The following CRY2 variants were observed in gnomAD, a reference collection of about 807,000 sequenced individuals.
CRY2 encodes the protein cryptochrome circadian regulator 2.
CRY2 carries 31 observed loss-of-function variants against 69.5 expected under a neutral mutation model. That is an observed-to-expected ratio of 0.45 (90% CI 0.34 to 0.60). CRY2 has a LOEUF of 0.60. Ranked by LOEUF, CRY2 falls within the 20% of genes least tolerant of loss-of-function variation. The pLI is 0.02. For missense variants in CRY2, 606 were observed against 797.8 expected (o/e 0.76, Z 2.90); for synonymous variants, 303 against 312.2 (o/e 0.97, Z 0.31).
intron 2 of CRY2, chr11:45,856,322 C>G: frequency 2.0e-6 from 1 of 502,348 alleles, no homozygotes; most frequent in Non-Finnish European, 3.6e-6. Flanking sequence ...GCTCTCAGCT[C>G]AGTCCAGACA....
At chr11:45,849,603 G>A (rs2086179144) in intron 1 of CRY2, among the ~76,000 whole-genome samples, 1 of 150,392 alleles carries the variant, frequency 6.6e-6, no homozygotes, top group Non-Finnish European at 1.5e-5. Flanking sequence ...AGATACCTGG[G>A]CCCCTTTCCC....
intron 3 of CRY2, among the ~76,000 whole-genome samples, chr11:45,859,759 G>T (rs2086271737): frequency 6.6e-6 from 1 of 152,076 alleles, no homozygotes; most frequent in Non-Finnish European, 1.5e-5. Flanking sequence ...CCATGCCAGA[G>T]CTGTCACCCT....
intron 1 of CRY2, among the ~76,000 whole-genome samples, chr11:45,849,622 A>ATTTT (rs71038866): frequency 9.2e-5 from 13 of 141,128 alleles, no homozygotes; most frequent in African/African-American, 1.9e-4. Flanking sequence ...CCCCAATTCT[A>ATTTT]TTTTTTTTTT....
chr11:45,878,612 T>TA (rs1362427806), intron 11 of CRY2, among the ~76,000 whole-genome samples: 1 of 152,030 alleles, frequency 6.6e-6, no homozygotes, highest in African/African-American at 2.4e-5. Context: ...TTATTGAAAA[T>TA]AACACACATT....
chr11:45,867,974 A>G, intron 6 of CRY2: 2 of 572,174 alleles, frequency 3.5e-6, no homozygotes, highest in Non-Finnish European at 3.0e-6. Context: ...AGCCCAGACC[A>G]TCATGTAGAG....
intron 11 of CRY2, among the ~76,000 whole-genome samples, chr11:45,877,725 A>G (rs761714722): frequency 2.0e-5 from 3 of 152,026 alleles, no homozygotes; most frequent in Admixed American, 6.5e-5. Context: ...TAGTCCTGCT[A>G]TCATCATTTT....
In CRY2 at chr11:45,869,763, G is replaced by T. The variant is rs145976909; in HGVS notation, c.1140G>T (p.Val380=). The T allele has an allele frequency of 1.9e-6, 3 of 1,613,644 alleles. No homozygotes were observed. The Admixed American group carries it at 5.0e-5, about 27-fold the overall frequency. ...GWIHHLARHA[V]ACFLTRGDLW... ...TCCACCACCTGGCCCGGCATGCCGT[G>T]GCCTGCTTCCTGACCCGCGGGGACC... Residue 380 remains valine (V), a synonymous_variant, in exon 7 of 12, where the codon GTG becomes GTT. Coordinates refer to ENST00000616080, the MANE Select transcript of CRY2 (RefSeq NM_021117.5).
At chr11:45,851,692 A>G (rs1245097343) in intron 1 of CRY2, among the ~76,000 whole-genome samples, 1 of 152,212 alleles carries the variant, frequency 6.6e-6, no homozygotes, top group Non-Finnish European at 1.5e-5. Flanking sequence ...AATATCACTC[A>G]GATACTTAGA....
rs747651372 is a variant in CRY2, at chr11:45,847,661, C to T, written c.171C>T (p.Asp57=). The T allele has an allele frequency of 8.8e-6, 14 of 1,593,434 alleles. No homozygotes were observed. The highest frequency in any genetic ancestry group is 1.2e-5 in the Non-Finnish European group (14 of 1,170,816). The part of the protein sequence containing the change: ...ARCVRCVYIL[D]PWFAASSSVG... ...GCGTGCGCTGCGTTTACATTCTCGA[C>T]CCGTGGTTCGCGGCCTCCTCCTCAG... Residue 57 remains aspartate (D), a synonymous_variant, in exon 1 of 12, where the codon GAC becomes GAT. Coordinates refer to ENST00000616080, the MANE Select transcript of CRY2 (RefSeq NM_021117.5).
chr11:45,873,179 G>C (rs574277361), intron 11 of CRY2, among the ~76,000 whole-genome samples: 2 of 152,314 alleles, frequency 1.3e-5, no homozygotes, highest in East Asian at 3.9e-4. Context: ...TCCCCTCTGA[G>C]TCATCATCTC....
At chr11:45,847,283 T>A, upstream of CRY2, 1 of 1,527,752 alleles carries the variant, frequency 6.5e-7, no homozygotes, top group Non-Finnish European at 8.8e-7. Context: ...CCACACATGG[T>A]AGGAACGTGA....
chr11:45,872,355 T>C, intron 11 of CRY2, 122 bp downstream of exon 11: 1 of 874,106 alleles, frequency 1.1e-6, no homozygotes, highest in South Asian at 1.6e-5. Flanking sequence ...GACCACCCAA[T>C]GCTCAGCCAC....
upstream of CRY2, chr11:45,847,179 C>T: frequency 7.1e-6 from 11 of 1,548,580 alleles, no homozygotes; most frequent in Non-Finnish European, 9.6e-6. Context: ...TCCCTTGAGA[C>T]TTGGCCTACT....
At chr11:45,847,209 C>G (rs2134622516), upstream of CRY2, 4 of 1,549,698 alleles carry the variant, frequency 2.6e-6, 1 homozygote, top group Middle Eastern at 3.3e-4. Context: ...CCGCGGACAG[C>G]CCCAGCCTGC....
rs1035931111 is a variant in CRY2 at position 45,882,383 on chromosome 11, T to TACCTCCCCTGTGACCTTTCC, written c.*1473_*1492dup. 2.6e-6 allele frequency: 1 copy of TACCTCCCCTGTGACCTTTCC among 378,018 alleles called. No homozygotes were observed. Among genetic ancestry groups the TACCTCCCCTGTGACCTTTCC allele is most frequent in the African/African-American group, 2.1e-5 (1 of 48,192 alleles). The allele number at this position is 378,018 out of a possible 1,614,324, so 23.4% of individuals were successfully genotyped here. On this transcript the variant is annotated 3_prime_UTR_variant, in exon 12 of 12. Coordinates refer to ENST00000616080, the MANE Select transcript of CRY2 (RefSeq NM_021117.5). ...GCTGGCCTTTGGGCCTTTTCCTTTC[T>TACCTCCCCTGTGACCTTTCC]ACCTCCCCTGTGACCTTTCCTAGCC...
intron 11 of CRY2, among the ~76,000 whole-genome samples, chr11:45,873,665 A>G (rs566523132): frequency 2.6e-4 from 39 of 152,340 alleles, no homozygotes; most frequent in Middle Eastern, 3.4e-3. Flanking sequence ...AGCATTAAAC[A>G]TATAAAATGT....
At chr11:45,847,367 T>C (rs2086157268), upstream of CRY2, 3 of 1,598,400 alleles carry the variant, frequency 1.9e-6, no homozygotes, top group Middle Eastern at 1.8e-4. Context: ...AGAGGGGCTC[T>C]GGGGCCCTGT....
intron 5 of CRY2, 68 bp downstream of exon 5, chr11:45,862,216 G>T: frequency 6.9e-7 from 1 of 1,454,440 alleles, no homozygotes; most frequent in Non-Finnish European, 9.4e-7. Context: ...TACAGGTCAT[G>T]TCCATGTCCT....
rs1420018781 is a variant in CRY2, at chr11:45,881,174, C to G, written c.*263C>G. 3 of 152,292 alleles carry G rather than the reference C, an allele frequency of 2.0e-5. No homozygotes were observed. Among genetic ancestry groups the G allele is most frequent in the Admixed American group, 6.5e-5 (1 of 15,284 alleles). 9.4% of individuals were successfully genotyped at this position (152,292 alleles called of 1,614,324 possible). The stretch of plus-strand genomic sequence containing the variant: ...TTTCCCGGCCTCCAGACACAAGGCT[C>G]GAGGTTATGGCAGTGACTTTCAGCT... On this transcript the variant is annotated 3_prime_UTR_variant, in exon 12 of 12. Coordinates refer to ENST00000616080, the MANE Select transcript of CRY2 (RefSeq NM_021117.5).
Sources: allele counts gnomAD v4.1 joint callset (sites outside exome capture counted in the v4.1 genomes callset), GRCh38; gene constraint gnomAD v4.1.1; transcripts MANE v1.5; gene names NCBI Gene and HGNC (gene_info 2026-07-23, HGNC 2026-07-21).